NRXN3: variants seen among roughly 807,000 people sequenced by gnomAD.
NRXN3 encodes neurexin III.
NRXN3 carries 32 observed loss-of-function variants against 137.6 expected under a neutral mutation model. The observed-to-expected ratio is 0.23, with a 90% CI of 0.18 to 0.31. The LOEUF (loss-of-function observed/expected upper bound fraction) is 0.31, where lower values mean the gene tolerates loss of function less well. Among genes scored for constraint, NRXN3 ranks in the 10% least tolerant of loss-of-function variants. The pLI, the probability that NRXN3 is intolerant of heterozygous loss-of-function variation, is 1.00. For synonymous variants in NRXN3, 798 were observed against 784.5 expected (o/e 1.02, Z -0.29); for missense variants, 1,574 against 2,062.5 (o/e 0.76, Z 4.59).
rs115774246 is a variant in NRXN3, at chr14:79,058,729, C to T, written c.3262+70588C>T. Among the ~76,000 whole-genome samples, 16 of 152,168 alleles carry T rather than the reference C, an allele frequency of 1.1e-4. No homozygotes were observed. In the South Asian group the frequency reaches 2.3e-3, roughly 22 times the overall value. On this transcript the variant is annotated intron_variant, in intron 15 of 20. Transcript: ENST00000335750. ...CATGTCAAGGGAGGGACCTGTAGTC[C>T]GCAAGTGTTGAGGGAGGGAGGTGAT...
chr14:79,806,050 G>C (rs960376), intron 20 of NRXN3, among the ~76,000 whole-genome samples: 1 of 152,004 alleles, frequency 6.6e-6, no homozygotes, highest in Non-Finnish European at 1.5e-5. Context: ...TAAGTTAAAC[G>C]TTTATATGTA....
At chr14:79,681,079 A>C (rs1352560244) in intron 17 of NRXN3, among the ~76,000 whole-genome samples, 1 of 152,130 alleles carries the variant, frequency 6.6e-6, no homozygotes, top group Non-Finnish European at 1.5e-5. Context: ...GCATTATTGC[A>C]TCTCTTCTTT....
intron 17 of NRXN3, among the ~76,000 whole-genome samples, chr14:79,681,251 C>A (rs1480117103): frequency 1.3e-5 from 2 of 152,130 alleles, no homozygotes; most frequent in Non-Finnish European, 2.9e-5. Flanking sequence ...TCCTGCTGAG[C>A]CTTCATGGAA....
At chr14:79,441,721 T>C (rs2095962766) in intron 15 of NRXN3, among the ~76,000 whole-genome samples, 1 of 151,964 alleles carries the variant, frequency 6.6e-6, no homozygotes, top group Non-Finnish European at 1.5e-5. Flanking sequence ...GCAAATCATA[T>C]GGATGGAGAG....
intron 4 of NRXN3, among the ~76,000 whole-genome samples, chr14:78,518,196 A>G (rs759256171): frequency 2.0e-5 from 3 of 152,164 alleles, no homozygotes; most frequent in Non-Finnish European, 4.4e-5. Context: ...GTTCTTGGCA[A>G]TTTTAAAGTT....
intron 16 of NRXN3, among the ~76,000 whole-genome samples, chr14:79,568,982 A>T (rs1183413802): frequency 6.6e-6 from 1 of 152,090 alleles, no homozygotes; most frequent in Admixed American, 6.6e-5. Flanking sequence ...TATAATTGCT[A>T]TGTTGATGGG....
At chr14:78,719,561 G>A (rs762618703) in intron 8 of NRXN3, among the ~76,000 whole-genome samples, 1 of 152,084 alleles carries the variant, frequency 6.6e-6, no homozygotes, top group Admixed American at 6.5e-5. Flanking sequence ...GTTGGCAGAG[G>A]CCAGGAGTGG....
intron 20 of NRXN3, among the ~76,000 whole-genome samples, chr14:79,838,469 G>T (rs2099348962): frequency 6.6e-6 from 1 of 152,066 alleles, no homozygotes. Flanking sequence ...ATTTTTTTTA[G>T]ATAGATACCT....
rs74069228 is a variant in NRXN3, at chr14:78,941,974, A to G, written c.2276-15268A>G. Among the ~76,000 whole-genome samples, 693 of 152,216 alleles carry G rather than the reference A, an allele frequency of 4.6e-3. 7 individuals are homozygous for G. Among genetic ancestry groups the G allele is most frequent in the African/African-American group, 0.016 (647 of 41,524 alleles). On this transcript the variant is annotated intron_variant, in intron 10 of 20. Coordinates refer to ENST00000335750, the MANE Select transcript of NRXN3 (RefSeq NM_001330195.2). The stretch of plus-strand genomic sequence containing the variant: ...TTTAGAATCTTGGAAAATCTGAAAA[A>G]ACTTGCTTCTAGGCCAGAGAGTAGA...
intron 16 of NRXN3, among the ~76,000 whole-genome samples, chr14:79,485,436 A>G (rs925056071): frequency 6.6e-6 from 1 of 152,144 alleles, no homozygotes; most frequent in African/African-American, 2.4e-5. Context: ...GAGACTATGA[A>G]TAATTCTTTC....
At chr14:78,186,839 C>A (rs1206481546) in intron 1 of NRXN3, among the ~76,000 whole-genome samples, 2 of 152,152 alleles carry the variant, frequency 1.3e-5, no homozygotes, top group Non-Finnish European at 2.9e-5. Flanking sequence ...ACTGCTCTAG[C>A]TGGCTTTTGG....
At chr14:79,496,911 T>G (rs911565798) in intron 16 of NRXN3, among the ~76,000 whole-genome samples, 1 of 152,176 alleles carries the variant, frequency 6.6e-6, no homozygotes, top group Non-Finnish European at 1.5e-5. Flanking sequence ...GGATATGAAT[T>G]GAGCCTTTGC....
intron 6 of NRXN3, among the ~76,000 whole-genome samples, chr14:78,660,507 G>A (rs907471406): frequency 1.3e-5 from 2 of 151,946 alleles, no homozygotes; most frequent in Non-Finnish European, 2.9e-5. Flanking sequence ...TAACATACAG[G>A]CTCAGAAGTT....
intron 19 of NRXN3, among the ~76,000 whole-genome samples, chr14:79,703,263 A>T (rs1464895408): frequency 1.3e-5 from 2 of 152,148 alleles, no homozygotes; most frequent in Non-Finnish European, 2.9e-5. Context: ...TAGGCAAAGT[A>T]CTCTTAGCTT....
chr14:79,292,763 A>G (rs1030108766), intron 15 of NRXN3, among the ~76,000 whole-genome samples: 1 of 152,214 alleles, frequency 6.6e-6, no homozygotes, highest in African/African-American at 2.4e-5. Context: ...ACATGTAGGT[A>G]AATGTGTGAA....
intron 4 of NRXN3, among the ~76,000 whole-genome samples, chr14:78,480,427 C>T (rs2095453555): frequency 6.6e-6 from 1 of 152,124 alleles, no homozygotes; most frequent in Non-Finnish European, 1.5e-5. Context: ...GTCAGAGCTC[C>T]AGAGAGTCCC....
At chr14:78,196,392 G>T (rs1315478956) in intron 1 of NRXN3, among the ~76,000 whole-genome samples, 1 of 152,234 alleles carries the variant, frequency 6.6e-6, no homozygotes, top group Non-Finnish European at 1.5e-5. Context: ...AAATAATGAG[G>T]TGAGTTTGGT....
intron 16 of NRXN3, among the ~76,000 whole-genome samples, chr14:79,531,095 C>T (rs1464614542): frequency 1.3e-5 from 2 of 152,188 alleles, no homozygotes; most frequent in Non-Finnish European, 2.9e-5. Flanking sequence ...CCATTTACTG[C>T]AATTGTATTT....
intron 16 of NRXN3, among the ~76,000 whole-genome samples, chr14:79,597,600 T>C (rs1231872169): frequency 6.6e-6 from 1 of 152,202 alleles, no homozygotes; most frequent in Non-Finnish European, 1.5e-5. Flanking sequence ...GTTGTTACCA[T>C]ACGCAAACTT....
Sources: allele counts gnomAD v4.1 joint callset (sites outside exome capture counted in the v4.1 genomes callset), GRCh38; gene constraint gnomAD v4.1.1; transcripts MANE v1.5; gene names NCBI Gene and HGNC (gene_info 2026-07-23, HGNC 2026-07-21).